The following DSCAML1 variants were observed in gnomAD, a reference collection of about 807,000 sequenced individuals.
The protein encoded by DSCAML1 is cell adhesion molecule DSCAML1.
Under a neutral mutation model 200.5 loss-of-function variants are expected in DSCAML1, and 38 were observed. That is an observed-to-expected ratio of 0.19 (90% CI 0.15 to 0.25). DSCAML1 has a LOEUF of 0.25. Ranked by LOEUF, DSCAML1 falls within the 10% of genes least tolerant of loss-of-function variation. The pLI is 1.00. For missense variants in DSCAML1, 2,223 were observed against 2,858.8 expected, an observed-to-expected ratio of 0.78 and a Z score of 5.07; for synonymous variants, 1,215 against 1,165.0, an observed-to-expected ratio of 1.04 and a Z score of -0.87.
intron 3 of DSCAML1, among the ~76,000 whole-genome samples, chr11:117,630,632 A>G (rs2052151076): frequency 8.3e-6 from 1 of 119,776 alleles, no homozygotes; most frequent in Non-Finnish European, 1.6e-5. Context: ...CGTCTTACAG[A>G]TTTGGAAACT....
At chr11:117,608,409 C>T (rs1245083180) in intron 3 of DSCAML1, among the ~76,000 whole-genome samples, 1 of 152,162 alleles carries the variant, frequency 6.6e-6, no homozygotes, top group Admixed American at 6.5e-5. Flanking sequence ...TCTCTATTAA[C>T]ATTTTGGTGT....
intron 3 of DSCAML1, among the ~76,000 whole-genome samples, chr11:117,746,468 G>A (rs1203312139): frequency 6.6e-6 from 1 of 152,036 alleles, no homozygotes; most frequent in Admixed American, 6.5e-5. Context: ...GTCTTCTCTT[G>A]GACCCAGGAG....
intron 3 of DSCAML1, among the ~76,000 whole-genome samples, chr11:117,693,921 T>C (rs776981195): frequency 4.6e-5 from 7 of 152,172 alleles, no homozygotes; most frequent in Admixed American, 1.3e-4. Context: ...TCCAGTCTAG[T>C]GTCTTTATGC....
At chr11:117,442,391 A>G (rs547037376) in intron 21 of DSCAML1, among the ~76,000 whole-genome samples, 44 of 151,752 alleles carry the variant, frequency 2.9e-4, no homozygotes, top group Middle Eastern at 3.4e-3. Context: ...GTGTGTATGC[A>G]TGTGTGTGCA....
intron 3 of DSCAML1, among the ~76,000 whole-genome samples, chr11:117,745,940 C>T (rs550382865): frequency 9.2e-5 from 14 of 151,958 alleles, no homozygotes; most frequent in Non-Finnish European, 1.5e-4. Context: ...ACAGGCCAGG[C>T]GCGGTGGCTC....
In DSCAML1 at chr11:117,570,762, C is replaced by CT. The variant is rs371096538; in HGVS notation, c.512-38241dup. Among the ~76,000 whole-genome samples the CT allele has an allele frequency of 7.8e-3, 1,192 of 152,368 alleles. 19 individuals carry two copies. Among genetic ancestry groups the CT allele is most frequent in the African/African-American group, 0.027 (1,124 of 41,580 alleles). On this transcript the variant is annotated intron_variant, in intron 3 of 32. Coordinates refer to ENST00000651296, the MANE Select transcript of DSCAML1 (RefSeq NM_020693.4). ...TGGCGTGGGCCTCTGCTAATTATGT[C>CT]TACCACTCAGGGGCCACTGAGGGTC... is the stretch of plus-strand genomic sequence containing the variant.
intron 3 of DSCAML1, among the ~76,000 whole-genome samples, chr11:117,605,332 C>T (rs2051544057): frequency 6.6e-6 from 1 of 152,144 alleles, no homozygotes; most frequent in African/African-American, 2.4e-5. Flanking sequence ...GCCCGCACCT[C>T]CTGAGCTTGG....
intron 3 of DSCAML1, among the ~76,000 whole-genome samples, chr11:117,627,274 A>G (rs2052067301): frequency 6.6e-6 from 1 of 152,068 alleles, no homozygotes; most frequent in African/African-American, 2.4e-5. Flanking sequence ...TAGAGGTTAC[A>G]AGTAACCCCG....
chr11:117,440,221 G>C (rs1341961410), intron 21 of DSCAML1, among the ~76,000 whole-genome samples: 3 of 152,154 alleles, frequency 2.0e-5, no homozygotes, highest in African/African-American at 7.2e-5. Flanking sequence ...CCATCCAAGA[G>C]GGAGACAGAT....
At chr11:117,710,842 C>A (rs969901546) in intron 3 of DSCAML1, among the ~76,000 whole-genome samples, 1 of 152,198 alleles carries the variant, frequency 6.6e-6, no homozygotes, top group Non-Finnish European at 1.5e-5. Flanking sequence ...AGTTGACAAT[C>A]TAACTGGGGA....
chr11:117,701,583 A>C (rs1303213564), intron 3 of DSCAML1, among the ~76,000 whole-genome samples: 7 of 152,198 alleles, frequency 4.6e-5, no homozygotes, highest in Non-Finnish European at 5.9e-5. Flanking sequence ...AGGGCTGTGC[A>C]AAGATCCCCT....
At chr11:117,706,692 T>C (rs2053763848) in intron 3 of DSCAML1, among the ~76,000 whole-genome samples, 1 of 152,192 alleles carries the variant, frequency 6.6e-6, no homozygotes, top group African/African-American at 2.4e-5. Context: ...GTCTAGCCCT[T>C]CTTCTGCCAT....
intron 3 of DSCAML1, among the ~76,000 whole-genome samples, chr11:117,592,621 G>C (rs2051279949): frequency 6.6e-6 from 1 of 152,200 alleles, no homozygotes; most frequent in Non-Finnish European, 1.5e-5. Context: ...TGAGCTAATA[G>C]TTACACACCC....
At chr11:117,544,463 C>T (rs2050333773) in intron 3 of DSCAML1, among the ~76,000 whole-genome samples, 1 of 152,142 alleles carries the variant, frequency 6.6e-6, no homozygotes, top group South Asian at 2.1e-4. Flanking sequence ...TTAGCTCCTG[C>T]CTGGGGGCCC....
intron 19 of DSCAML1, among the ~76,000 whole-genome samples, chr11:117,454,817 G>C (rs1488819775): frequency 6.6e-6 from 1 of 152,214 alleles, no homozygotes; most frequent in Non-Finnish European, 1.5e-5. Context: ...TCAATTTCCA[G>C]TATTGGGATG....
At chr11:117,526,079 C>A (rs1303958594) in intron 4 of DSCAML1, among the ~76,000 whole-genome samples, 3 of 152,254 alleles carry the variant, frequency 2.0e-5, no homozygotes, top group Admixed American at 2.0e-4. Flanking sequence ...GGGCAGGATT[C>A]TGTGTGCAAT....
Position 117,731,499 on chromosome 11 carries a change from T to C in DSCAML1, c.511+45292A>G, listed in dbSNP as rs79201064. ...GCAGCTGCCACCTGCCAGCCATAGA[T>C]CACACTGCCTCTTTTCCCTGTAAAC... On this transcript the variant is annotated intron_variant, in intron 3 of 32. Transcript: ENST00000651296. Among the ~76,000 whole-genome samples, 389 of 152,268 alleles carry C rather than the reference T, an allele frequency of 2.6e-3. 1 individual carries two copies. Among genetic ancestry groups the C allele is most frequent in the Non-Finnish European group, 4.6e-3 (316 of 68,016 alleles).
At chr11:117,540,087 A>G (rs2050239348) in intron 3 of DSCAML1, among the ~76,000 whole-genome samples, 1 of 152,224 alleles carries the variant, frequency 6.6e-6, no homozygotes, top group South Asian at 2.1e-4. Context: ...TCAAGCTCAT[A>G]GAGACAGAAA....
At chr11:117,633,829 C>G (rs558764140) in intron 3 of DSCAML1, among the ~76,000 whole-genome samples, 1 of 152,166 alleles carries the variant, frequency 6.6e-6, no homozygotes, top group Non-Finnish European at 1.5e-5. Context: ...AGTGGCCCTT[C>G]GTGTCCTCCA....
Sources: allele counts gnomAD v4.1 joint callset (sites outside exome capture counted in the v4.1 genomes callset), GRCh38; gene constraint gnomAD v4.1.1; transcripts MANE v1.5; gene names NCBI Gene and HGNC (gene_info 2026-07-23, HGNC 2026-07-21).